The following ANKFN1 variants were observed in gnomAD, a reference collection of about 807,000 sequenced individuals.
ANKFN1 encodes ankyrin repeat and fibronectin type III domain containing 1.
Under a neutral mutation model 108.7 loss-of-function variants are expected in ANKFN1, and 74 were observed. That is an observed-to-expected ratio of 0.68 (90% CI 0.56 to 0.83). The LOEUF (loss-of-function observed/expected upper bound fraction) is 0.83, where lower values mean the gene tolerates loss of function less well. ANKFN1 is among the 40% of genes least tolerant of loss of function. The pLI, the probability that ANKFN1 is intolerant of heterozygous loss-of-function variation, is 0.00. For missense variants in ANKFN1, 1,505 were observed against 1,382.3 expected (o/e 1.09, Z -1.41); for synonymous variants, 547 against 516.2 (o/e 1.06, Z -0.81).
intron 8 of ANKFN1, among the ~76,000 whole-genome samples, chr17:56,380,015 G>A (rs549259450): frequency 1.5e-3 from 221 of 152,212 alleles, no homozygotes; most frequent in Non-Finnish European, 2.2e-3. Context: ...TTTAGAATTG[G>A]CCTGTCAAGT....
At position 56,219,378 on chromosome 17, in the gene ANKFN1, C is replaced by G. The variant is rs1186537041; in HGVS notation, c.12+6699C>G. Among the ~76,000 whole-genome samples the G allele has an allele frequency of 2.6e-5, 4 of 152,040 alleles. No homozygotes were observed. The East Asian group carries it at 7.7e-4, about 29-fold the overall frequency. On this transcript the variant is annotated intron_variant, in intron 2 of 20. Coordinates refer to ENST00000682825, the MANE Select transcript of ANKFN1 (RefSeq NM_001370326.1). ...TCTCCTGCCTCAACCTCCCAAGTAG[C>G]TGGGACTACAGGTGTGCACCACCAT...
chr17:56,213,360 C>T (rs550073279), intron 2 of ANKFN1, among the ~76,000 whole-genome samples: 6 of 152,232 alleles, frequency 3.9e-5, no homozygotes, highest in African/African-American at 1.2e-4. Context: ...AACAAGCCTA[C>T]CCCCTATAGA....
intron 1 of ANKFN1, among the ~76,000 whole-genome samples, chr17:56,167,286 T>TAC (rs542831785): frequency 0.1 from 12,271 of 122,796 alleles, 625 homozygotes; most frequent in South Asian, 0.16. Context: ...TATATATATA[T>TAC]ACACACACAT....
chr17:56,127,258 C>T (rs879148835), intron 4 of ANKFN1, among the ~76,000 whole-genome samples: 6 of 152,072 alleles, frequency 3.9e-5, no homozygotes, highest in South Asian at 2.1e-4. Context: ...GTAGGAGAGG[C>T]GGGATTTGAA....
rs902893966 is a variant in ANKFN1, at chr17:56,356,658, TTGGAAGGATGATAAATGAGGA to T, written c.601+2619_601+2639del. Reference sequence around the variant, plus strand: ...CCCCTTTTTAGTGGAACTGGAGGATTTGGAAGGATGATAAATGAGGATGGAAGAAATTGAAATGGCATCTTT... The same window carrying T: ...CCCCTTTTTAGTGGAACTGGAGGATTTGGAAGAAATTGAAATGGCATCTTT... On this transcript the variant is annotated intron_variant, in intron 6 of 20. Transcript: ENST00000682825. Among the ~76,000 whole-genome samples the T allele has an allele frequency of 5.2e-4, 79 of 152,260 alleles. 1 individual carries two copies. The highest frequency in any genetic ancestry group is 4.6e-3 in the Admixed American group (71 of 15,282).
intron 1 of ANKFN1, among the ~76,000 whole-genome samples, chr17:56,196,110 A>G (rs1272388388): frequency 6.6e-6 from 1 of 152,088 alleles, no homozygotes; most frequent in Admixed American, 6.6e-5. Flanking sequence ...CTGCAAAACA[A>G]TACAAAAATT....
intron 4 of ANKFN1, among the ~76,000 whole-genome samples, chr17:56,336,581 T>G (rs548952147): frequency 6.6e-6 from 1 of 152,318 alleles, no homozygotes; most frequent in South Asian, 2.1e-4. Flanking sequence ...TTATCATTTT[T>G]TATTGCATCT....
At chr17:56,089,091 A>G (rs1349202263) in intron 4 of ANKFN1, among the ~76,000 whole-genome samples, 1 of 151,408 alleles carries the variant, frequency 6.6e-6, no homozygotes, top group African/African-American at 2.4e-5. Context: ...GTATGAACAT[A>G]TGTGGAGGAG....
chr17:56,339,214 G>GA (rs1238791364), intron 4 of ANKFN1, among the ~76,000 whole-genome samples: 2 of 151,840 alleles, frequency 1.3e-5, no homozygotes, highest in African/African-American at 4.8e-5. Flanking sequence ...TCAGAAAGGA[G>GA]AAAAAATACA....
intron 8 of ANKFN1, among the ~76,000 whole-genome samples, chr17:56,386,477 TA>T (rs1395154135): frequency 1.3e-5 from 2 of 149,272 alleles, no homozygotes; most frequent in South Asian, 2.1e-4. Context: ...ATAATAATAA[TA>T]AAATAAAATA....
chr17:56,216,782 C>T (rs75260411), intron 2 of ANKFN1, among the ~76,000 whole-genome samples: 5,538 of 152,224 alleles, frequency 0.036, 341 homozygotes, highest in African/African-American at 0.12. Context: ...TTAATGATGC[C>T]GCTCTTTAGG....
rs115795238 is a variant in ANKFN1 at position 56,069,256 on chromosome 17, C to T, written c.288+22931C>T. Among the ~76,000 whole-genome samples the T allele has an allele frequency of 6.7e-3, 1,012 of 152,068 alleles. 12 individuals are homozygous for T. Among genetic ancestry groups the T allele is most frequent in the African/African-American group, 0.024 (977 of 41,464 alleles). ...GTTTAATTGGATTTTTCATATAAAC[C>T]TATGTGGCAAGAAGAGAGAGACCAG... On this transcript the variant is annotated intron_variant, in intron 4 of 12. Coordinates refer to the ANKFN1 transcript ENST00000635860.
chr17:56,470,043 G>A (rs577702363), intron 15 of ANKFN1, among the ~76,000 whole-genome samples: 3 of 152,226 alleles, frequency 2.0e-5, no homozygotes, highest in Non-Finnish European at 4.4e-5. Context: ...ATAGTGTTTG[G>A]TTTTCTGTTC....
chr17:56,371,072 T>C (rs1360317258), intron 6 of ANKFN1, among the ~76,000 whole-genome samples: 3 of 152,174 alleles, frequency 2.0e-5, no homozygotes, highest in Non-Finnish European at 2.9e-5. Context: ...ATAGTGTAGC[T>C]GCTCAGTGAA....
intron 3 of ANKFN1, among the ~76,000 whole-genome samples, chr17:56,252,786 A>G (rs1171437261): frequency 1.3e-5 from 2 of 150,462 alleles, no homozygotes; most frequent in African/African-American, 2.5e-5. Context: ...TGGACCAGGT[A>G]TGGTGGCTCA....
chr17:56,063,264 T>C (rs1905007247), intron 4 of ANKFN1, among the ~76,000 whole-genome samples: 1 of 152,162 alleles, frequency 6.6e-6, no homozygotes, highest in South Asian at 2.1e-4. Flanking sequence ...TTAGTGGTGT[T>C]CTCTGTATTT....
At chr17:56,375,976 C>T (rs1017425274) in intron 8 of ANKFN1, among the ~76,000 whole-genome samples, 5 of 151,976 alleles carry the variant, frequency 3.3e-5, no homozygotes, top group East Asian at 3.9e-4. Flanking sequence ...CTCTTGAATA[C>T]GAGGAACAAA....
intron 20 of ANKFN1, among the ~76,000 whole-genome samples, chr17:56,502,607 T>G (rs988027909): frequency 6.6e-6 from 1 of 152,236 alleles, no homozygotes; most frequent in East Asian, 1.9e-4. Context: ...AGCAATGAAA[T>G]CTGTCACTGC....
chr17:56,487,132 G>T (rs1296340006), intron 18 of ANKFN1, among the ~76,000 whole-genome samples: 2 of 152,116 alleles, frequency 1.3e-5, no homozygotes, highest in Admixed American at 1.3e-4. Flanking sequence ...CCTATTGGAG[G>T]ATGTTATGAG....
Sources: allele counts gnomAD v4.1 joint callset (sites outside exome capture counted in the v4.1 genomes callset), GRCh38; gene constraint gnomAD v4.1.1; transcripts MANE v1.5; gene names NCBI Gene and HGNC (gene_info 2026-07-23, HGNC 2026-07-21).